TMPRSS11E: variants seen among roughly 807,000 people sequenced by gnomAD.
TMPRSS11E encodes transmembrane protease serine 11E.
A neutral mutation model predicts 48.1 loss-of-function variants in TMPRSS11E; 38 were observed. The observed-to-expected ratio is 0.79, with a 90% CI of 0.61 to 1.04. TMPRSS11E has a LOEUF of 1.04. Ranked by LOEUF, TMPRSS11E falls within the 50% of genes least tolerant of loss-of-function variation. The pLI is 0.00. For missense variants in TMPRSS11E, 530 were observed against 510.8 expected (o/e 1.04, Z -0.36); for synonymous variants, 158 against 171.9 (o/e 0.92, Z 0.63).
intron 2 of TMPRSS11E, among the ~76,000 whole-genome samples, chr4:68,466,047 G>T (rs938964251): frequency 5.3e-5 from 8 of 152,116 alleles, no homozygotes; most frequent in Admixed American, 3.9e-4. Flanking sequence ...AAGGGACCCA[G>T]GTGAAACTAA....
chr4:68,452,793 A>G (rs186172185), intron 1 of TMPRSS11E, among the ~76,000 whole-genome samples: 18 of 152,114 alleles, frequency 1.2e-4, no homozygotes, highest in Admixed American at 9.8e-4. Flanking sequence ...TATATAGTAC[A>G]TTCAAGTCAT....
chr4:68,466,926 A>G (rs750218950), intron 3 of TMPRSS11E, among the ~76,000 whole-genome samples, 174 bp downstream of exon 3: 8 of 152,150 alleles, frequency 5.3e-5, no homozygotes, highest in Non-Finnish European at 7.4e-5. Flanking sequence ...CACTTAGCAC[A>G]ATATGACTCA....
At chr4:68,450,839 A>T (rs1045952956) in intron 1 of TMPRSS11E, among the ~76,000 whole-genome samples, 5 of 151,880 alleles carry the variant, frequency 3.3e-5, no homozygotes, top group African/African-American at 1.2e-4. Flanking sequence ...CTGTTTTCTA[A>T]AAAGGATTAC....
chr4:68,484,690 A>G (rs150734508), intron 9 of TMPRSS11E, among the ~76,000 whole-genome samples: 19 of 152,152 alleles, frequency 1.2e-4, no homozygotes, highest in African/African-American at 2.6e-4. Context: ...ATGTCTATGT[A>G]TTTTATTCTT....
At chr4:68,493,547 A>G (rs1384460080) in intron 9 of TMPRSS11E, among the ~76,000 whole-genome samples, 2 of 151,362 alleles carry the variant, frequency 1.3e-5, no homozygotes, top group African/African-American at 4.9e-5. Flanking sequence ...GCTCACTGCA[A>G]CCTCCACCTT....
chr4:68,447,618 T>C (rs1022520288), intron 1 of TMPRSS11E, 95 bp downstream of exon 1: 92 of 947,126 alleles, frequency 9.7e-5, no homozygotes, highest in Admixed American at 2.6e-5. Context: ...ATCTACAGTT[T>C]ATTATTTTTT....
intron 5 of TMPRSS11E, among the ~76,000 whole-genome samples, chr4:68,474,163 T>C (rs965105326): frequency 3.3e-5 from 5 of 152,150 alleles, no homozygotes; most frequent in African/African-American, 1.2e-4. Context: ...TGGAGCTAAA[T>C]GACAATTTGA....
chr4:68,481,310 T>A (rs562133086), intron 9 of TMPRSS11E, among the ~76,000 whole-genome samples: 162 of 152,332 alleles, frequency 1.1e-3, no homozygotes, highest in Non-Finnish European at 1.9e-3. Flanking sequence ...CCTTTGTGTA[T>A]AATATACCCA....
At chr4:68,470,918 G>A (rs1196004564) in intron 4 of TMPRSS11E, among the ~76,000 whole-genome samples, 4 of 151,882 alleles carry the variant, frequency 2.6e-5, no homozygotes, top group Non-Finnish European at 4.4e-5. Context: ...GTAGACTTGA[G>A]TCACAAGAAT....
At chr4:68,450,625 A>G (rs1370490293) in intron 1 of TMPRSS11E, among the ~76,000 whole-genome samples, 12 of 152,004 alleles carry the variant, frequency 7.9e-5, no homozygotes, top group Non-Finnish European at 1.5e-4. Flanking sequence ...TGTAAAGACT[A>G]ATATGAAATC....
chr4:68,473,589 T>C (rs904718931), intron 5 of TMPRSS11E, among the ~76,000 whole-genome samples: 6 of 152,108 alleles, frequency 3.9e-5, no homozygotes, highest in Admixed American at 2.6e-4. Flanking sequence ...GAACTTCATT[T>C]TCAAAACACA....
In TMPRSS11E at chr4:68,450,410, G is replaced by A. The variant is rs184695671; in HGVS notation, c.11+2887G>A. Among the ~76,000 whole-genome samples the A allele has an allele frequency of 6.6e-5, 10 of 151,962 alleles. 1 individual carries two copies. The highest frequency in any genetic ancestry group is 2.4e-4 in the African/African-American group (10 of 41,498). Reference sequence around the variant, plus strand: ...ATTGTCTAGGCGGTTAGTAAGTGTCGAATCTAGAATCTAATTCTGATCTTT... The same window carrying A: ...ATTGTCTAGGCGGTTAGTAAGTGTCAAATCTAGAATCTAATTCTGATCTTT... On this transcript the variant is annotated intron_variant, in intron 1 of 9. Transcript: ENST00000305363.
At chr4:68,471,318 C>T (rs1174276756) in intron 4 of TMPRSS11E, 142 bp from the exon 5 acceptor site, 2 of 494,378 alleles carry the variant, frequency 4.0e-6, no homozygotes, top group Non-Finnish European at 6.8e-6. Context: ...CCTTTCCCTT[C>T]TCCTTCCTTC....
At chr4:68,490,508 G>A (rs1055458021) in intron 9 of TMPRSS11E, among the ~76,000 whole-genome samples, 4 of 151,966 alleles carry the variant, frequency 2.6e-5, no homozygotes, top group African/African-American at 9.7e-5. Flanking sequence ...GCTCAGGTGA[G>A]GGACTAATGC....
chr4:68,474,387 G>C (rs1446076787), intron 5 of TMPRSS11E, among the ~76,000 whole-genome samples: 1 of 151,988 alleles, frequency 6.6e-6, no homozygotes, highest in Admixed American at 6.6e-5. Flanking sequence ...CCCATGGAGG[G>C]GCTGTGGACT....
chr4:68,449,251 A>G (rs1196658086), intron 1 of TMPRSS11E, among the ~76,000 whole-genome samples: 2 of 151,716 alleles, frequency 1.3e-5, no homozygotes, highest in African/African-American at 2.4e-5. Context: ...AGATCAACAC[A>G]TGAATTTTAT....
In TMPRSS11E at chr4:68,466,503, T is replaced by C. The variant is rs374736977; in HGVS notation, c.137-128T>C. The C allele has an allele frequency of 6.0e-5, 54 of 895,770 alleles. No individual in the cohort carries two copies. The South Asian group carries it at 8.9e-4, about 15-fold the overall frequency. The allele number at this position is 895,770 out of a possible 1,614,324, so 55.5% of individuals were successfully genotyped here. Reference sequence around the variant, plus strand: ...AACTATGAGGCCTGGGGCAGGATGATGATGATGACCTGTGCTAAGAGCATT... The same window carrying C: ...AACTATGAGGCCTGGGGCAGGATGACGATGATGACCTGTGCTAAGAGCATT... On this transcript the variant is annotated intron_variant, in intron 2 of 9. Transcript: ENST00000305363.
At chr4:68,455,699 A>T (rs1056884910) in intron 1 of TMPRSS11E, among the ~76,000 whole-genome samples, 1 of 152,020 alleles carries the variant, frequency 6.6e-6, no homozygotes, top group Non-Finnish European at 1.5e-5. Context: ...CAGTGATATC[A>T]GCACACTGCT....
intron 2 of TMPRSS11E, among the ~76,000 whole-genome samples, chr4:68,465,335 C>G (rs989365293): frequency 1.2e-4 from 18 of 152,194 alleles, no homozygotes; most frequent in African/African-American, 4.1e-4. Context: ...CCCTCTCTGT[C>G]CCATCAAATC....
Sources: gnomAD v4.1 joint callset for allele counts (sites outside exome capture counted in the v4.1 genomes callset) on GRCh38, gnomAD v4.1.1 for gene constraint, MANE v1.5 for transcripts, NCBI Gene and HGNC (gene_info 2026-07-23, HGNC 2026-07-21) for gene names.